FSD1L: variants seen among roughly 807,000 people sequenced by gnomAD.
The protein encoded by FSD1L is FSD1-like protein.
In FSD1L, 45 loss-of-function variants were observed where a neutral mutation model predicts 71.6. The ratio of observed to expected loss-of-function variants is 0.63; its 90% confidence interval spans 0.49 to 0.81. The LOEUF is 0.81. Among genes scored for constraint, FSD1L ranks in the 30% least tolerant of loss-of-function variants. The pLI is 0.00. For synonymous variants in FSD1L, 197 were observed against 207.2 expected, an observed-to-expected ratio of 0.95 and a Z score of 0.42; for missense variants, 561 against 618.1, an observed-to-expected ratio of 0.91 and a Z score of 0.98.
chr9:105,471,198 A>C (rs1269473677), intron 4 of FSD1L, among the ~76,000 whole-genome samples: 1 of 152,180 alleles, frequency 6.6e-6, no homozygotes, highest in Non-Finnish European at 1.5e-5. Flanking sequence ...AGTCTTTTGC[A>C]TATTGAGTGT....
chr9:105,538,623 A>G (rs149325789), intron 12 of FSD1L, among the ~76,000 whole-genome samples: 1 of 152,274 alleles, frequency 6.6e-6, no homozygotes, highest in Non-Finnish European at 1.5e-5. Context: ...TGAAGGATAT[A>G]CTGTGAGGTG....
In FSD1L at chr9:105,512,171, A is replaced by C. The variant is rs556674939; in HGVS notation, c.896-636A>C. On this transcript the variant is annotated intron_variant, in intron 9 of 13. Coordinates refer to ENST00000481272, the MANE Select transcript of FSD1L (RefSeq NM_001145313.3). The stretch of plus-strand genomic sequence containing the variant: ...TTGTGAAAAGTATAGTTAATTCCTC[A>C]AAATATTAAATAATCTGGAAGTCAT... Among the ~76,000 whole-genome samples the C allele has an allele frequency of 3.9e-5, 6 of 152,058 alleles. No homozygotes were observed. The East Asian group carries it at 9.7e-4, about 25-fold the overall frequency.
intron 1 of FSD1L, among the ~76,000 whole-genome samples, chr9:105,450,708 A>G (rs1029999583): frequency 6.7e-6 from 1 of 149,824 alleles, no homozygotes; most frequent in African/African-American, 2.5e-5. Context: ...TAATTTTTGT[A>G]TTTTTAGTAG....
chr9:105,515,055 T>TA (rs1834620805), intron 10 of FSD1L, among the ~76,000 whole-genome samples: 2 of 152,126 alleles, frequency 1.3e-5, no homozygotes, highest in African/African-American at 2.4e-5. Flanking sequence ...GGATTGCAGA[T>TA]ACGGTATATG....
At chr9:105,530,710 T>C (rs1211771830) in intron 10 of FSD1L, 6 of 494,916 alleles carry the variant, frequency 1.2e-5, no homozygotes, top group Non-Finnish European at 2.1e-5. Context: ...AAACTATCAG[T>C]GTATTTTGAA....
At chr9:105,471,211 A>G (rs1394841812) in intron 4 of FSD1L, among the ~76,000 whole-genome samples, 1 of 152,168 alleles carries the variant, frequency 6.6e-6, no homozygotes, top group Non-Finnish European at 1.5e-5. Context: ...TTGAGTGTGC[A>G]TTATGCATCT....
upstream of FSD1L, among the ~76,000 whole-genome samples, chr9:105,447,417 C>T (rs1829691192): frequency 6.6e-6 from 1 of 151,304 alleles, no homozygotes; most frequent in African/African-American, 2.4e-5. Flanking sequence ...CAATCCTCTG[C>T]AAAGTCCGCA....
upstream of FSD1L, among the ~76,000 whole-genome samples, chr9:105,446,226 G>T (rs562947929): frequency 1.1e-4 from 16 of 152,214 alleles, no homozygotes; most frequent in African/African-American, 3.6e-4. Flanking sequence ...TGTATTTGTT[G>T]TTCCTACTTT....
At chr9:105,491,726 C>A (rs2131747978) in intron 7 of FSD1L, among the ~76,000 whole-genome samples, 1 of 152,138 alleles carries the variant, frequency 6.6e-6, no homozygotes, top group South Asian at 2.1e-4. Flanking sequence ...TGAATTTTGT[C>A]AAAGGCCTTT....
chr9:105,445,106 G>C (rs570000737), upstream of FSD1L, among the ~76,000 whole-genome samples: 1 of 152,260 alleles, frequency 6.6e-6, no homozygotes, highest in African/African-American at 2.4e-5. Flanking sequence ...ATAGGCCAGA[G>C]GTACTGGGAG....
In FSD1L at chr9:105,461,406, AATG is replaced by A. The variant is rs201764030; in HGVS notation, c.16-111_16-109del. On this transcript the variant is annotated intron_variant, in intron 1 of 13. Coordinates refer to ENST00000481272, the MANE Select transcript of FSD1L (RefSeq NM_001145313.3). The stretch of plus-strand genomic sequence containing the variant: ...TTGTTAAATATTGACTACATGTTGA[AATG>A]ATAATATATTTTGAATCTATTAAAT... 9.8e-3 allele frequency: 4,640 copies of A among 471,230 alleles called. 51 individuals carry two copies. The highest frequency in any genetic ancestry group is 0.014 in the Non-Finnish European group (3,664 of 270,128). The allele number at this position is 471,230 out of a possible 1,614,324, so 29.2% of individuals were successfully genotyped here.
In FSD1L at chr9:105,459,306, G is replaced by C. The variant is rs543109566; in HGVS notation, c.16-2214G>C. 1.4e-4 allele frequency among the ~76,000 whole-genome samples: 22 copies of C among 152,256 alleles called. No homozygotes were observed. The South Asian group carries it at 4.4e-3, about 30-fold the overall frequency. On this transcript the variant is annotated intron_variant, in intron 1 of 13. Coordinates refer to ENST00000481272, the MANE Select transcript of FSD1L (RefSeq NM_001145313.3). ...TAAATATTCTGATTCCTTGTAACTT[G>C]TTTTCCAGTTCTACTGAGCACCAAG...
rs562614547 is a variant in FSD1L, at chr9:105,476,468, A to C, written c.442-2886A>C. ...TTAGTACCAGCTGATTCCAAGATTT[A>C]CCACTGCTCTGTTGCCAACACATTT... On this transcript the variant is annotated intron_variant, in intron 5 of 13. Coordinates refer to ENST00000481272, the MANE Select transcript of FSD1L (RefSeq NM_001145313.3). 2.1e-3 allele frequency among the ~76,000 whole-genome samples: 319 copies of C among 152,358 alleles called. 1 individual carries two copies. Among genetic ancestry groups the C allele is most frequent in the African/African-American group, 7.1e-3 (295 of 41,598 alleles).
chr9:105,515,386 A>G (rs1247034961), intron 10 of FSD1L, among the ~76,000 whole-genome samples: 1 of 152,174 alleles, frequency 6.6e-6, no homozygotes, highest in African/African-American at 2.4e-5. Flanking sequence ...GCCAGATTTG[A>G]TCTTTAAGAT....
At chr9:105,504,864 ACTTTG>A (rs1416081775) in intron 7 of FSD1L, among the ~76,000 whole-genome samples, 1 of 152,212 alleles carries the variant, frequency 6.6e-6, no homozygotes, top group Non-Finnish European at 1.5e-5. Flanking sequence ...CAGAGGGCCA[ACTTTG>A]CTTTGTTTTT....
At position 105,549,285 on chromosome 9, in the gene FSD1L, C is replaced by G. The variant is rs1022067517; in HGVS notation, c.*2802C>G. 4 of 151,992 alleles carry G rather than the reference C, an allele frequency of 2.6e-5. No individual in the cohort carries two copies. Among genetic ancestry groups the G allele is most frequent in the African/African-American group, 9.7e-5 (4 of 41,408 alleles). 9.4% of individuals were successfully genotyped at this position (151,992 alleles called of 1,614,324 possible). On this transcript the variant is annotated 3_prime_UTR_variant, in exon 14 of 14. Coordinates refer to ENST00000481272, the MANE Select transcript of FSD1L (RefSeq NM_001145313.3). ...TGAATTCCCAACGAGTTTTATTAAG[C>G]TGGATATCGAAATGAAGGAGCTGCC...
intron 12 of FSD1L, among the ~76,000 whole-genome samples, chr9:105,536,007 T>C (rs1350597772): frequency 6.6e-6 from 1 of 152,206 alleles, no homozygotes; most frequent in African/African-American, 2.4e-5. Context: ...AATATCAGAA[T>C]TTCTTTACTT....
chr9:105,533,357 A>AAT lies in FSD1L; in HGVS notation c.1026-1135_1026-1134dup, dbSNP rs1176185306. The stretch of plus-strand genomic sequence containing the variant: ...GGATCTTGTCTATTTGAGTAGGAGA[A>AAT]ATGCTTGATAATACTTGATATTATC... On this transcript the variant is annotated intron_variant, in intron 10 of 13. Transcript: ENST00000481272. Among the ~76,000 whole-genome samples the AAT allele has an allele frequency of 2.7e-5, 4 of 148,058 alleles. 1 individual carries two copies. The highest frequency in any genetic ancestry group is 2.1e-4 in the Admixed American group (3 of 14,632).
chr9:105,457,781 G>C (rs1049236972), intron 1 of FSD1L, among the ~76,000 whole-genome samples: 3 of 152,210 alleles, frequency 2.0e-5, no homozygotes, highest in African/African-American at 7.2e-5. Context: ...GTGAGCGAGC[G>C]AGTGAGTTTG....
Sources: allele counts gnomAD v4.1 joint callset (sites outside exome capture counted in the v4.1 genomes callset), GRCh38; gene constraint gnomAD v4.1.1; transcripts MANE v1.5; gene names NCBI Gene and HGNC (gene_info 2026-07-23, HGNC 2026-07-21).